The following ZBTB16 variants were observed in gnomAD, a reference collection of about 807,000 sequenced individuals.
The protein encoded by ZBTB16 is zinc finger and BTB domain-containing protein 16.
A neutral mutation model predicts 56.8 loss-of-function variants in ZBTB16; 8 were observed. That is an observed-to-expected ratio of 0.14 (90% CI 0.08 to 0.25). ZBTB16 has a LOEUF of 0.25. ZBTB16 is among the 10% of genes least tolerant of loss of function. ZBTB16 has a pLI of 1.00. For synonymous variants in ZBTB16, 363 were observed against 368.5 expected (o/e 0.98, Z 0.17); for missense variants, 625 against 903.0 (o/e 0.69, Z 3.95).
At chr11:114,168,450 G>A (rs1942855225) in intron 3 of ZBTB16, among the ~76,000 whole-genome samples, 1 of 152,228 alleles carries the variant, frequency 6.6e-6, no homozygotes, top group Non-Finnish European at 1.5e-5. Flanking sequence ...GACATTTATT[G>A]AAACTTGCTG....
intron 2 of ZBTB16, among the ~76,000 whole-genome samples, chr11:114,070,121 A>G (rs1214694671): frequency 1.3e-5 from 1 of 76,962 alleles, no homozygotes; most frequent in Non-Finnish European, 2.3e-5. Flanking sequence ...TTTTTTTTTG[A>G]GACGGAGTCT....
At position 114,182,302 on chromosome 11, in the gene ZBTB16, G is replaced by A. The variant is rs374683949; in HGVS notation, c.1367-4650G>A. ...TGAGCTCAAGTGATCTACCCATCCC[G>A]GCCTCCCAAAGTGCTGGGATTACAG... is the stretch of plus-strand genomic sequence containing the variant. On this transcript the variant is annotated intron_variant, in intron 3 of 6. Coordinates refer to ENST00000335953, the MANE Select transcript of ZBTB16 (RefSeq NM_006006.6). Among the ~76,000 whole-genome samples, 25 of 152,180 alleles carry A rather than the reference G, an allele frequency of 1.6e-4. No homozygotes were observed. The South Asian group carries it at 2.3e-3, about 14-fold the overall frequency.
At chr11:114,216,812 T>C (rs1944110780) in intron 4 of ZBTB16, among the ~76,000 whole-genome samples, 1 of 152,248 alleles carries the variant, frequency 6.6e-6, no homozygotes, top group Non-Finnish European at 1.5e-5. Flanking sequence ...ATATCTACTA[T>C]GTGCTTAAAT....
chr11:114,208,675 C>T (rs1943936901), intron 4 of ZBTB16, among the ~76,000 whole-genome samples: 1 of 152,174 alleles, frequency 6.6e-6, no homozygotes, highest in Admixed American at 6.5e-5. Flanking sequence ...CCCTTTTCTT[C>T]CGTTGGCTTC....
chr11:114,205,437 T>C (rs1943844190), intron 4 of ZBTB16, among the ~76,000 whole-genome samples: 1 of 152,012 alleles, frequency 6.6e-6, no homozygotes, highest in Non-Finnish European at 1.5e-5. Context: ...ATTTCTTCTC[T>C]GAACCTTAGG....
chr11:114,070,345 T>C (rs1000986660), intron 2 of ZBTB16, among the ~76,000 whole-genome samples: 1 of 151,662 alleles, frequency 6.6e-6, no homozygotes, highest in Admixed American at 6.6e-5. Flanking sequence ...CCTGACCTCA[T>C]GATCCACCCG....
rs979813591 is a variant in ZBTB16, at chr11:114,255,900, TAAGA to T, written c.*5348_*5351del. ...TTTGTATTTTTATTTATAAGTCTCA[TAAGA>T]AAAATAGCAATGTTCAGTTGTATAC... On this transcript the variant is annotated 3_prime_UTR_variant, in exon 7 of 7. Coordinates refer to ENST00000335953, the MANE Select transcript of ZBTB16 (RefSeq NM_006006.6). Among the ~76,000 whole-genome samples, 15 of 152,084 alleles carry T rather than the reference TAAGA, an allele frequency of 9.9e-5. No individual in the cohort carries two copies. The highest frequency in any genetic ancestry group is 1.5e-4 in the Non-Finnish European group (10 of 68,030).
chr11:114,226,401 G>A (rs1168380462), intron 4 of ZBTB16, among the ~76,000 whole-genome samples: 1 of 152,190 alleles, frequency 6.6e-6, no homozygotes, highest in African/African-American at 2.4e-5. Context: ...ACAGCCTGTG[G>A]TTGGCCTGAG....
chr11:114,181,183 G>C (rs1320055408), intron 3 of ZBTB16, among the ~76,000 whole-genome samples: 3 of 152,160 alleles, frequency 2.0e-5, no homozygotes, highest in Non-Finnish European at 2.9e-5. Flanking sequence ...TACTTTAATT[G>C]CATGAAGGGA....
intron 2 of ZBTB16, among the ~76,000 whole-genome samples, chr11:114,144,398 G>A (rs886680455): frequency 6.6e-6 from 1 of 152,136 alleles, no homozygotes; most frequent in Non-Finnish European, 1.5e-5. Flanking sequence ...TTTCTACTGG[G>A]GCATTTACAG....
chr11:114,235,843 G>A (rs1365925556), intron 4 of ZBTB16, among the ~76,000 whole-genome samples: 1 of 131,670 alleles, frequency 7.6e-6, no homozygotes, highest in Non-Finnish European at 1.6e-5. Context: ...AAGACTTTGA[G>A]TCATACATGC....
At chr11:114,085,010 G>C (rs1939908867) in intron 2 of ZBTB16, among the ~76,000 whole-genome samples, 1 of 152,216 alleles carries the variant, frequency 6.6e-6, no homozygotes, top group Non-Finnish European at 1.5e-5. Flanking sequence ...ATGCTGTTCT[G>C]AAGCTGTGGT....
At position 114,092,179 on chromosome 11, in the gene ZBTB16, C is replaced by T. The variant is rs558909004; in HGVS notation, c.1268+27611C>T. ...CTGAAACAGGAGACCCGAGAGGCTCCGGTGAAAGGGCACTGTGTTTGTGCA... is the reference window on the plus strand; with the variant it reads ...CTGAAACAGGAGACCCGAGAGGCTCTGGTGAAAGGGCACTGTGTTTGTGCA... On this transcript the variant is annotated intron_variant, in intron 2 of 6. Transcript: ENST00000335953. 7.9e-5 allele frequency among the ~76,000 whole-genome samples: 12 copies of T among 152,320 alleles called. No homozygotes were observed. In the East Asian group the frequency reaches 1.2e-3, roughly 15 times the overall value.
rs994056121 is a variant in ZBTB16 at position 114,143,419 on chromosome 11, G to C, written c.1269-12918G>C. On this transcript the variant is annotated intron_variant, in intron 2 of 6. Coordinates refer to ENST00000335953, the MANE Select transcript of ZBTB16 (RefSeq NM_006006.6). This position sits in a 1 kb window ranked among gnomAD's most constrained non-coding sequence, Gnocchi z 6.4. ...AAACACACTTAAAAGACAGAGGCTG[G>C]GGGGGAAAGGGGGTCAGCTTTGAGA... Among the ~76,000 whole-genome samples the C allele has an allele frequency of 6.6e-6, 1 of 152,242 alleles. No individual in the cohort carries two copies. Among genetic ancestry groups the C allele is most frequent in the Middle Eastern group, 3.4e-3 (1 of 294 alleles).
intron 3 of ZBTB16, among the ~76,000 whole-genome samples, chr11:114,158,337 C>A (rs1015164948): frequency 6.6e-6 from 1 of 152,130 alleles, no homozygotes; most frequent in Non-Finnish European, 1.5e-5. Flanking sequence ...TGTAGCCAGA[C>A]TCATTTTCTT....
At chr11:114,124,276 G>T (rs952468764) in intron 2 of ZBTB16, among the ~76,000 whole-genome samples, 1 of 151,952 alleles carries the variant, frequency 6.6e-6, no homozygotes, top group Non-Finnish European at 1.5e-5. Context: ...TATGCCAGGG[G>T]TTATTAGAAG....
intron 2 of ZBTB16, among the ~76,000 whole-genome samples, chr11:114,128,891 TAG>T (rs1403250156): frequency 6.6e-6 from 1 of 152,138 alleles, no homozygotes; most frequent in Non-Finnish European, 1.5e-5. Context: ...CAGGGAGAGA[TAG>T]AGTCTCCAAG....
intron 2 of ZBTB16, among the ~76,000 whole-genome samples, chr11:114,073,914 C>T (rs187510111): frequency 6.6e-6 from 1 of 152,298 alleles, no homozygotes; most frequent in Admixed American, 6.5e-5. Flanking sequence ...AAATGTGCCA[C>T]CAAACCATCG....
intron 4 of ZBTB16, among the ~76,000 whole-genome samples, chr11:114,214,824 G>T (rs1015819995): frequency 3.3e-5 from 5 of 152,092 alleles, no homozygotes; most frequent in African/African-American, 1.2e-4. Flanking sequence ...GCCTGTGGTG[G>T]TTTGTTTGTT....
Sources: allele counts gnomAD v4.1 joint callset (sites outside exome capture counted in the v4.1 genomes callset), GRCh38; gene constraint gnomAD v4.1.1; non-coding constraint Gnocchi (gnomAD v3.1); transcripts MANE v1.5; gene names NCBI Gene and HGNC (gene_info 2026-07-23, HGNC 2026-07-21).